The following CACNA1S variants were observed in gnomAD, a reference collection of about 807,000 sequenced individuals.
CACNA1S encodes the protein calcium voltage-gated channel subunit alpha1 S.
In CACNA1S, 126 loss-of-function variants were observed where a neutral mutation model predicts 207.4. That is an observed-to-expected ratio of 0.61 (90% CI 0.53 to 0.70). The LOEUF (loss-of-function observed/expected upper bound fraction) is 0.70. Ranked by LOEUF, CACNA1S falls within the 30% of genes least tolerant of loss-of-function variation. The pLI, the probability that CACNA1S is intolerant of heterozygous loss-of-function variation, is 0.00. For missense variants in CACNA1S, 2,349 were observed against 2,422.8 expected (o/e 0.97, Z 0.64); for synonymous variants, 960 against 932.7 (o/e 1.03, Z -0.53).
intron 2 of CACNA1S, among the ~76,000 whole-genome samples, chr1:201,108,479 C>A (rs575060587): frequency 6.6e-6 from 1 of 152,010 alleles, no homozygotes; most frequent in Non-Finnish European, 1.5e-5. Context: ...GAACTGAGGC[C>A]CAAAAATATG....
chr1:201,062,520 G>A lies in CACNA1S; in HGVS notation c.2854-6C>T, dbSNP rs1033462438. 21 of 1,417,300 alleles carry A rather than the reference G, an allele frequency of 1.5e-5. No homozygotes were observed. The highest frequency in any genetic ancestry group is 2.0e-5 in the Non-Finnish European group (20 of 1,011,752). The allele number at this position is 1,417,300 out of a possible 1,614,324, so 87.8% of individuals were successfully genotyped here. On this transcript the variant is annotated splice_region_variant and splice_polypyrimidine_tract_variant and intron_variant, in intron 22 of 43. Transcript: ENST00000362061. Reference sequence around the variant, plus strand: ...GTGCACCTGAAGAACTTCCCCTGCAGCCAGGAAGAGGGAGGGAGGGAGGGA... The same window carrying A: ...GTGCACCTGAAGAACTTCCCCTGCAACCAGGAAGAGGGAGGGAGGGAGGGA...
At chr1:201,075,421 TTG>T in intron 13 of CACNA1S, 72 bp downstream of exon 13, 1 of 1,595,074 alleles carries the variant, frequency 6.3e-7, no homozygotes, top group Non-Finnish European at 8.6e-7. Flanking sequence ...CTGGACACCC[TTG>T]ACCCCCATTT....
At chr1:201,063,958 C>T (rs887755338) in intron 22 of CACNA1S, among the ~76,000 whole-genome samples, 4 of 152,196 alleles carry the variant, frequency 2.6e-5, no homozygotes, top group African/African-American at 9.7e-5. Flanking sequence ...GAGTCAAAAG[C>T]GACATCAAAT....
rs201874906 is a variant in CACNA1S, at chr1:201,052,541, G to A, written c.3953+16C>T. ...TGGTCAGCGGGGTAGGGGTGGGGGT[G>A]GCGGGAGACGCGTGCCTGAAGAGCA... On this transcript the variant is annotated intron_variant, in intron 32 of 43. Coordinates refer to ENST00000362061, the MANE Select transcript of CACNA1S (RefSeq NM_000069.3). 202 of 1,597,066 alleles carry A rather than the reference G, an allele frequency of 1.3e-4. No homozygotes were observed. The highest frequency in any genetic ancestry group is 1.5e-4 in the Non-Finnish European group (171 of 1,164,612).
chr1:201,088,305 C>A (rs142894308), intron 6 of CACNA1S, among the ~76,000 whole-genome samples: 51 of 152,312 alleles, frequency 3.3e-4, no homozygotes, highest in African/African-American at 1.2e-3. Flanking sequence ...TGACCCCGGA[C>A]AAGTCACCTA....
At chr1:201,084,268 T>TA (rs1661953637) in intron 9 of CACNA1S, among the ~76,000 whole-genome samples, 1 of 152,096 alleles carries the variant, frequency 6.6e-6, no homozygotes, top group African/African-American at 2.4e-5. Flanking sequence ...CCCCATTATG[T>TA]AAAAAATCAA....
Position 201,066,045 on chromosome 1 carries a change from A to T in CACNA1S, c.2746-100T>A, listed in dbSNP as rs891543741. ...GGAGTGCAAGACTTGCTGCCTCCTG[A>T]TGAGTTGGAGGTGGGGAAAGGCTGG... On this transcript the variant is annotated intron_variant, in intron 21 of 43. Coordinates refer to ENST00000362061, the MANE Select transcript of CACNA1S (RefSeq NM_000069.3). This position sits in a 1 kb window ranked among gnomAD's most constrained non-coding sequence, Gnocchi z 4.3. 6.1e-6 allele frequency: 6 copies of T among 979,506 alleles called. No homozygotes were observed. Among genetic ancestry groups the T allele is most frequent in the African/African-American group, 1.6e-5 (1 of 62,040 alleles). 60.7% of individuals were successfully genotyped at this position (979,506 alleles called of 1,614,324 possible). A position where few individuals can be genotyped will look rare whatever the true frequency, so the allele number is the denominator to read the frequency against.
At position 201,069,481 on chromosome 1, in the gene CACNA1S, C is replaced by A; in HGVS notation, c.2481G>T (p.Met827Ile). 1 of 1,605,070 alleles carries A rather than the reference C, an allele frequency of 6.2e-7. No individual in the cohort carries two copies. The highest frequency in any genetic ancestry group is 1.1e-5 in the South Asian group (1 of 88,314). Residue 827 changes from methionine to isoleucine, a missense_variant, in exon 18 of 44, where the codon ATG (methionine) becomes ATT (isoleucine). Physicochemically the swap from Met to Ile is conservative, Grantham distance 10. Coordinates refer to ENST00000362061, the MANE Select transcript of CACNA1S (RefSeq NM_000069.3). Reference protein sequence around the residue: ...AAEDPIRADSMRNQILKHFDI... With the variant: ...AAEDPIRADSIRNQILKHFDI... ...GGGTGAAGCCCGTCACCTGATTTCT[C>A]ATGGAATCAGCCCGGATGGGGTCTT...
In CACNA1S at chr1:201,053,153, G is replaced by A; in HGVS notation, c.3861+56C>T. 1 of 1,592,876 alleles carries A rather than the reference G, an allele frequency of 6.3e-7. No homozygotes were observed. Among genetic ancestry groups the A allele is most frequent in the Non-Finnish European group, 8.6e-7 (1 of 1,160,724 alleles). ...CTCAGGCTCCTCAGGGTCCACTGAT[G>A]CCCCCTCTAACTTGGCCAAGATCCA... On this transcript the variant is annotated intron_variant, in intron 31 of 43. Coordinates refer to ENST00000362061, the MANE Select transcript of CACNA1S (RefSeq NM_000069.3). The surrounding 1 kb of genome is among the most constrained non-coding windows in gnomAD (Gnocchi z 5.1).
At chr1:201,041,082 T>C (rs1289092201) in intron 41 of CACNA1S, among the ~76,000 whole-genome samples, 1 of 152,176 alleles carries the variant, frequency 6.6e-6, no homozygotes. Context: ...GGGCTCCTAC[T>C]GTCACACAGC....
At chr1:201,072,927 A>T in intron 15 of CACNA1S, 103 bp from the exon 16 acceptor site, 1 of 861,696 alleles carries the variant, frequency 1.2e-6, no homozygotes, top group East Asian at 2.4e-5. Context: ...TCACTTAATC[A>T]TCCCTACAGC....
At chr1:201,083,343 T>C in intron 9 of CACNA1S, 21 bp from the exon 10 acceptor site, 1 of 1,613,690 alleles carries the variant, frequency 6.2e-7, no homozygotes, top group South Asian at 1.1e-5. Flanking sequence ...GGACAGAGGA[T>C]GGTCTACAGT....
At chr1:201,079,152 C>A (rs1410994718) in intron 10 of CACNA1S, among the ~76,000 whole-genome samples, 1 of 150,886 alleles carries the variant, frequency 6.6e-6, no homozygotes, top group Non-Finnish European at 1.5e-5. Context: ...CCAAGACTCT[C>A]CCATTTTCCC....
At chr1:201,093,095 G>A (rs1015461622) in intron 3 of CACNA1S, among the ~76,000 whole-genome samples, 4 of 152,208 alleles carry the variant, frequency 2.6e-5, no homozygotes, top group African/African-American at 7.2e-5. Flanking sequence ...TTATCATTAC[G>A]TGGTAGTTAC....
chr1:201,089,795 C>A lies in CACNA1S; in HGVS notation c.695-332G>T, dbSNP rs75051547. Among the ~76,000 whole-genome samples the A allele has an allele frequency of 3.7e-3, 556 of 152,286 alleles. 9 individuals carry two copies. In the East Asian group the frequency reaches 0.045, roughly 12 times the overall value. Reference sequence around the variant, plus strand: ...CCCCACAGAACTTTAAAAAAGAAGGCAGCTGCCTGGCTGGAGCAGGGCTGG... The same window carrying A: ...CCCCACAGAACTTTAAAAAAGAAGGAAGCTGCCTGGCTGGAGCAGGGCTGG... On this transcript the variant is annotated intron_variant, in intron 5 of 43. Transcript: ENST00000362061.
chr1:201,041,374 T>C, intron 41 of CACNA1S, 130 bp downstream of exon 41: 1 of 735,288 alleles, frequency 1.4e-6, no homozygotes. Context: ...AGGGCCCAGA[T>C]GACTGCCATT....
At chr1:201,072,910 G>C in intron 15 of CACNA1S, 86 bp from the exon 16 acceptor site, 1 of 988,764 alleles carries the variant, frequency 1.0e-6, no homozygotes, top group Non-Finnish European at 1.6e-6. Flanking sequence ...GCCTGTTAGC[G>C]TTCAGCTCAC....
intron 2 of CACNA1S, among the ~76,000 whole-genome samples, chr1:201,097,160 G>T (rs1662464204): frequency 6.6e-6 from 1 of 151,762 alleles, no homozygotes; most frequent in Admixed American, 6.6e-5. Context: ...CTCTTCAACT[G>T]CCCCTGCCAT....
chr1:201,075,730 C>T, intron 12 of CACNA1S, 115 bp from the exon 13 acceptor site: 1 of 1,189,424 alleles, frequency 8.4e-7, no homozygotes, highest in East Asian at 2.4e-5. Flanking sequence ...GACCTTCCCT[C>T]TTTTCATTCC....
Sources: allele counts gnomAD v4.1 joint callset (sites outside exome capture counted in the v4.1 genomes callset), GRCh38; gene constraint gnomAD v4.1.1; non-coding constraint Gnocchi (gnomAD v3.1); transcripts MANE v1.5; gene names NCBI Gene and HGNC (gene_info 2026-07-23, HGNC 2026-07-21).